Variants in THSD7A observed in about 807,000 individuals in gnomAD.
THSD7A encodes the protein thrombospondin type-1 domain-containing protein 7A.
THSD7A carries 96 observed loss-of-function variants against 231.3 expected under a neutral mutation model. The ratio of observed to expected loss-of-function variants is 0.41; its 90% CI spans 0.35 to 0.49. THSD7A has a LOEUF of 0.49. Among genes scored for constraint, THSD7A ranks in the 20% least tolerant of loss-of-function variants. THSD7A has a pLI of 0.05. For synonymous variants in THSD7A, 940 were observed against 743.3 expected (o/e 1.26, Z -4.30); for missense variants, 2,290 against 2,070.2 (o/e 1.11, Z -2.06).
At chr7:11,555,234 T>A (rs1789796971) in intron 4 of THSD7A, among the ~76,000 whole-genome samples, 1 of 151,956 alleles carries the variant, frequency 6.6e-6, no homozygotes. Context: ...CATTTGGTGT[T>A]ACAAATGTCT....
chr7:11,776,252 G>A lies in THSD7A; in HGVS notation c.190+55505C>T, dbSNP rs73059114. ...TATGTTTCATTTTCTCCTGCAGGGC[G>A]GTGAACAAATTTGTAGAAGTAGCTA... On this transcript the variant is annotated intron_variant, in intron 1 of 27. Transcript: ENST00000423059. Among the ~76,000 whole-genome samples the A allele has an allele frequency of 2.0e-3, 298 of 152,252 alleles. 1 individual carries two copies. Among genetic ancestry groups the A allele is most frequent in the South Asian group, 8.5e-3 (41 of 4,814 alleles).
chr7:11,445,521 G>A (rs202105012), intron 13 of THSD7A, among the ~76,000 whole-genome samples: 2 of 104,576 alleles, frequency 1.9e-5, no homozygotes, highest in Admixed American at 1.8e-4. Flanking sequence ...TTTGTTTTAT[G>A]TGTGTGTGTG....
chr7:11,649,767 A>T lies in THSD7A; in HGVS notation c.191-12806T>A, dbSNP rs1013565645. Among the ~76,000 whole-genome samples the T allele has an allele frequency of 3.3e-5, 5 of 152,178 alleles. No individual in the cohort carries two copies. In the South Asian group the frequency reaches 1.0e-3, roughly 32 times the overall value. On this transcript the variant is annotated intron_variant, in intron 1 of 27. Transcript: ENST00000423059. ...TAATGTGGAAGTCGAAATTATATCC[A>T]ATTAACTGGGTGATCTAGCTAAGAT...
intron 6 of THSD7A, among the ~76,000 whole-genome samples, chr7:11,494,781 C>T (rs773648477): frequency 1.4e-4 from 22 of 151,954 alleles, no homozygotes; most frequent in Non-Finnish European, 2.8e-4. Context: ...CTTCCAGGCA[C>T]GAGCATTCTT....
At chr7:11,706,630 C>CTTTTTTTT (rs66964252) in intron 1 of THSD7A, among the ~76,000 whole-genome samples, 5 of 66,392 alleles carry the variant, frequency 7.5e-5, no homozygotes, top group Non-Finnish European at 1.4e-4. Flanking sequence ...TAACAAGGTG[C>CTTTTTTTT]TTTTTTTTTT....
At chr7:11,440,740 G>A (rs532740585) in intron 13 of THSD7A, among the ~76,000 whole-genome samples, 5 of 152,154 alleles carry the variant, frequency 3.3e-5, no homozygotes, top group African/African-American at 7.2e-5. Flanking sequence ...GCTTCTCATG[G>A]GTGAGCAAAG....
At position 11,406,780 on chromosome 7, in the gene THSD7A, C is replaced by A; in HGVS notation, c.4062+130G>T. ...ATGGTTATAAAATGGCAAGTACATA[C>A]AAATTTTAAGAAGCTTGTCATCTGT... On this transcript the variant is annotated intron_variant, in intron 21 of 27. Transcript: ENST00000423059. The surrounding 1 kb of genome is among the most constrained non-coding windows in gnomAD (Gnocchi z 4.7). The A allele has an allele frequency of 8.3e-7, 1 of 1,203,436 alleles. No homozygotes were observed. The highest frequency in any genetic ancestry group is 1.1e-6 in the Non-Finnish European group (1 of 885,216). 74.5% of individuals were successfully genotyped at this position (1,203,436 alleles called of 1,614,324 possible).
In THSD7A at chr7:11,377,769, T is replaced by G. The variant is rs1326689687; in HGVS notation, c.4802-1112A>C. 6.6e-6 allele frequency: 1 copy of G among 152,116 alleles called. No homozygotes were observed. The highest frequency in any genetic ancestry group is 2.4e-5 in the African/African-American group (1 of 41,450). The allele number at this position is 152,116 out of a possible 1,614,324, so 9.4% of individuals were successfully genotyped here. ...TGGGGTTTTTCAAAATCAAAGAATA[T>G]CTAAGTTTTCAGAACATGCACCTTT... is the stretch of plus-strand genomic sequence containing the variant. On this transcript the variant is annotated intron_variant, in intron 26 of 27. Transcript: ENST00000423059. This position sits in a 1 kb window ranked among gnomAD's most constrained non-coding sequence, Gnocchi z 4.5.
intron 2 of THSD7A, among the ~76,000 whole-genome samples, chr7:11,627,887 A>C (rs1485976412): frequency 2.0e-5 from 3 of 152,054 alleles, no homozygotes; most frequent in Non-Finnish European, 4.4e-5. Context: ...CTGATTGGAA[A>C]AAGATAGTTT....
intron 10 of THSD7A, 109 bp downstream of exon 10, chr7:11,461,902 T>G: frequency 4.5e-4 from 612 of 1,371,398 alleles, no homozygotes; most frequent in Non-Finnish European, 5.5e-4. Flanking sequence ...CCAACTCCAT[T>G]GAGCCTGTGG....
At chr7:11,523,767 G>T (rs1327491876) in intron 6 of THSD7A, among the ~76,000 whole-genome samples, 1 of 152,006 alleles carries the variant, frequency 6.6e-6, no homozygotes, top group African/African-American at 2.4e-5. Context: ...GTAATTACTA[G>T]AATAATAGAT....
rs116055113 is a variant in THSD7A at position 11,541,921 on chromosome 7, G to C, written c.1610-290C>G. ...ATATAGTACCCATCTCCCTTGTAGG[G>C]CGTAGAGGAGTAGGGTGGGAACAGA... On this transcript the variant is annotated intron_variant, in intron 5 of 27. Coordinates refer to ENST00000423059, the MANE Select transcript of THSD7A (RefSeq NM_015204.3). 5.6e-3 allele frequency among the ~76,000 whole-genome samples: 755 copies of C among 134,504 alleles called. 9 individuals are homozygous for C. Among genetic ancestry groups the C allele is most frequent in the African/African-American group, 0.019 (711 of 36,994 alleles). 88.2% of individuals were successfully genotyped at this position (134,504 alleles called of 152,430 possible). A position where few individuals can be genotyped will look rare whatever the true frequency, so the allele number is the denominator to read the frequency against.
chr7:11,828,133 C>T (rs566518327), intron 1 of THSD7A, among the ~76,000 whole-genome samples: 1 of 152,322 alleles, frequency 6.6e-6, no homozygotes, highest in Non-Finnish European at 1.5e-5. Flanking sequence ...AAATATCACT[C>T]TTCTGCTCAA....
At chr7:11,527,301 G>A (rs907758977) in intron 6 of THSD7A, among the ~76,000 whole-genome samples, 1 of 152,012 alleles carries the variant, frequency 6.6e-6, no homozygotes, top group African/African-American at 2.4e-5. Flanking sequence ...CAGCAGCTAT[G>A]ATTTCTAGCA....
chr7:11,611,476 A>G (rs1053561473), intron 2 of THSD7A, among the ~76,000 whole-genome samples: 4 of 151,846 alleles, frequency 2.6e-5, no homozygotes, highest in African/African-American at 9.7e-5. Context: ...TTACTTGTGA[A>G]AATAATTATA....
chr7:11,520,632 G>A (rs150990517), intron 6 of THSD7A, among the ~76,000 whole-genome samples: 37 of 152,224 alleles, frequency 2.4e-4, no homozygotes, highest in African/African-American at 8.9e-4. Context: ...AATATTTTTA[G>A]AAACAGGCTT....
chr7:11,498,034 C>T (rs2128309203), intron 6 of THSD7A, among the ~76,000 whole-genome samples: 1 of 152,296 alleles, frequency 6.6e-6, no homozygotes, highest in South Asian at 2.1e-4. Context: ...AGCAGCCGCT[C>T]AGGCATGTGT....
chr7:11,526,286 A>G (rs1364272814), intron 6 of THSD7A, among the ~76,000 whole-genome samples: 1 of 152,162 alleles, frequency 6.6e-6, no homozygotes, highest in East Asian at 1.9e-4. Context: ...TGTGCTTTGC[A>G]TAATCATGCT....
At chr7:11,625,644 G>A (rs1319926070) in intron 2 of THSD7A, among the ~76,000 whole-genome samples, 2 of 151,954 alleles carry the variant, frequency 1.3e-5, no homozygotes, top group South Asian at 2.1e-4. Context: ...AAAACACATG[G>A]AATTACTAAT....
Sources: allele counts gnomAD v4.1 joint callset (sites outside exome capture counted in the v4.1 genomes callset), GRCh38; gene constraint gnomAD v4.1.1; non-coding constraint Gnocchi (gnomAD v3.1); transcripts MANE v1.5; gene names NCBI Gene and HGNC (gene_info 2026-07-23, HGNC 2026-07-21).